LRRC9: variants seen among roughly 807,000 people sequenced by gnomAD.
LRRC9 encodes leucine rich repeat containing 9.
LRRC9 carries 122 observed loss-of-function variants against 63.2 expected under a neutral mutation model. That is an observed-to-expected ratio of 1.93 (90% CI 1.67 to 2.24). The LOEUF (loss-of-function observed/expected upper bound fraction) is 2.24. LRRC9 is among the 30% of genes most tolerant of loss of function. The probability of loss-of-function intolerance (pLI) is 0.00; values close to 1 mark genes in which losing one functional copy is unlikely to be tolerated. For synonymous variants in LRRC9, 366 were observed against 213.1 expected, an observed-to-expected ratio of 1.72 and a Z score of -6.25; for missense variants, 1,071 against 627.7, an observed-to-expected ratio of 1.71 and a Z score of -7.55.
intron 29 of LRRC9, among the ~76,000 whole-genome samples, chr14:60,034,782 A>ATT (rs1220767313): frequency 6.6e-6 from 1 of 152,188 alleles, no homozygotes; most frequent in Admixed American, 6.5e-5. Flanking sequence ...TATTTTGGCT[A>ATT]TTATGAATAA....
intron 8 of LRRC9, 74 bp downstream of exon 8, chr14:59,944,818 T>A (rs1324878672): frequency 1.8e-6 from 1 of 566,658 alleles, no homozygotes; most frequent in East Asian, 2.9e-5. Flanking sequence ...AAGCAATATC[T>A]TTTAAATTAT....
intron 12 of LRRC9, chr14:59,973,560 A>G (rs1200499284): frequency 6.6e-6 from 1 of 152,158 alleles, no homozygotes; most frequent in Non-Finnish European, 1.5e-5. Flanking sequence ...GTATTTGCAT[A>G]TAACCTACAC....
At chr14:60,009,792 C>T (rs1162863975) in intron 23 of LRRC9, among the ~76,000 whole-genome samples, 3 of 152,220 alleles carry the variant, frequency 2.0e-5, no homozygotes, top group East Asian at 1.9e-4. Flanking sequence ...TGGGTAAATA[C>T]ACCCATTCCA....
chr14:60,026,369 T>G (rs1379820839), intron 27 of LRRC9, among the ~76,000 whole-genome samples: 1 of 152,094 alleles, frequency 6.6e-6, no homozygotes, highest in Non-Finnish European at 1.5e-5. Flanking sequence ...TGCTGAGCAT[T>G]TTTCCATATA....
At chr14:59,980,389 C>A (rs1037217394) in intron 15 of LRRC9, among the ~76,000 whole-genome samples, 2 of 152,084 alleles carry the variant, frequency 1.3e-5, no homozygotes, top group African/African-American at 2.4e-5. Context: ...TTGGTTATTA[C>A]AAACTTCATA....
chr14:59,946,296 T>G (rs916544917), intron 8 of LRRC9, among the ~76,000 whole-genome samples: 2 of 150,630 alleles, frequency 1.3e-5, no homozygotes, highest in Non-Finnish European at 3.0e-5. Flanking sequence ...ATTAATAAAA[T>G]TTAATTAAAA....
At chr14:59,957,331 A>G (rs1027616407) in intron 8 of LRRC9, among the ~76,000 whole-genome samples, 1 of 151,886 alleles carries the variant, frequency 6.6e-6, no homozygotes, top group Non-Finnish European at 1.5e-5. Context: ...ATTCCTTTTC[A>G]TTCTTTTTGC....
At chr14:60,066,485 A>C (rs982991388), downstream of LRRC9, among the ~76,000 whole-genome samples, 1 of 152,102 alleles carries the variant, frequency 6.6e-6, no homozygotes, top group Non-Finnish European at 1.5e-5. Flanking sequence ...AAGCTAACCA[A>C]ATCATTTTGG....
intron 16 of LRRC9, among the ~76,000 whole-genome samples, chr14:59,982,748 C>A (rs1165426285): frequency 2.0e-5 from 3 of 152,144 alleles, no homozygotes; most frequent in Admixed American, 2.0e-4. Context: ...TAATTTCATC[C>A]TAACTCTTAA....
chr14:60,064,042 G>A (rs1055423565), downstream of LRRC9, among the ~76,000 whole-genome samples: 10 of 152,220 alleles, frequency 6.6e-5, 1 homozygote, highest in Middle Eastern at 6.8e-3. Context: ...TAAAAAAAGC[G>A]TCCGATTTCA....
chr14:60,032,832 G>C (rs757220517), intron 29 of LRRC9, among the ~76,000 whole-genome samples: 11 of 152,194 alleles, frequency 7.2e-5, no homozygotes, highest in Non-Finnish European at 1.2e-4. Flanking sequence ...TTCTTCCCAA[G>C]AAGGGAGTTA....
chr14:59,920,848 A>C (rs2139724031), intron 1 of LRRC9, among the ~76,000 whole-genome samples: 1 of 152,358 alleles, frequency 6.6e-6, no homozygotes, highest in East Asian at 1.9e-4. Context: ...TGGCATGACA[A>C]TTAACCCATT....
intron 17 of LRRC9, among the ~76,000 whole-genome samples, chr14:59,996,351 A>C (rs891874754): frequency 6.6e-6 from 1 of 152,118 alleles, no homozygotes; most frequent in South Asian, 2.1e-4. Context: ...CATTTTCAGA[A>C]ATTTTTTTAG....
Position 59,942,246 on chromosome 14 carries a change from T to G in LRRC9, c.727-2343T>G, listed in dbSNP as rs986281145. 7.2e-5 allele frequency among the ~76,000 whole-genome samples: 11 copies of G among 152,198 alleles called. No individual in the cohort carries two copies. The highest frequency in any genetic ancestry group is 2.7e-4 in the African/African-American group (11 of 41,462). ...ACATTTTCTTTATCCATTCACCTGTTGATGGCATTTAGGTTAATTCTAAAT... is the reference window on the plus strand; with the variant it reads ...ACATTTTCTTTATCCATTCACCTGTGGATGGCATTTAGGTTAATTCTAAAT... On this transcript the variant is annotated intron_variant, in intron 7 of 31. Coordinates refer to ENST00000445360, the Ensembl canonical transcript of LRRC9. This position sits in a 1 kb window ranked among gnomAD's most constrained non-coding sequence, Gnocchi z 5.3.
In LRRC9 at chr14:60,058,790, T is replaced by C. The variant is rs1359474958; in HGVS notation, c.4276+768T>C. On this transcript the variant is annotated intron_variant, in intron 31 of 31. Transcript: ENST00000445360. The surrounding 1 kb of genome is among the most constrained non-coding windows in gnomAD (Gnocchi z 4.4). ...TATAAAATGATCTAAGAGCCTCCTATAAAAAAAAGTAGACTGTTCCATGTG... is the reference window on the plus strand; with the variant it reads ...TATAAAATGATCTAAGAGCCTCCTACAAAAAAAAGTAGACTGTTCCATGTG... Among the ~76,000 whole-genome samples the C allele has an allele frequency of 6.6e-6, 1 of 151,632 alleles. No individual in the cohort carries two copies. Among genetic ancestry groups the C allele is most frequent in the East Asian group, 1.9e-4 (1 of 5,184 alleles).
chr14:60,063,565 G>A, downstream of LRRC9: 1 of 449,300 alleles, frequency 2.2e-6, no homozygotes, highest in Non-Finnish European at 3.9e-6. Context: ...CTTTCTTTAT[G>A]GTTATCTTTA....
At chr14:60,033,651 A>T (rs1892175062) in intron 29 of LRRC9, among the ~76,000 whole-genome samples, 1 of 152,102 alleles carries the variant, frequency 6.6e-6, no homozygotes, top group South Asian at 2.1e-4. Flanking sequence ...TATTGGATTC[A>T]ATTTGCTAAT....
chr14:60,016,076 C>G (rs970714184), intron 23 of LRRC9, among the ~76,000 whole-genome samples: 4 of 152,254 alleles, frequency 2.6e-5, no homozygotes, highest in African/African-American at 9.6e-5. Flanking sequence ...TCTAGCTTCT[C>G]TAACACCCAG....
At chr14:60,054,221 C>T (rs1251426694) in intron 30 of LRRC9, among the ~76,000 whole-genome samples, 2 of 152,156 alleles carry the variant, frequency 1.3e-5, no homozygotes, top group African/African-American at 4.8e-5. Context: ...CTCTCTAGTC[C>T]ACTTCTCCCT....
Sources: gnomAD v4.1 joint callset for allele counts (sites outside exome capture counted in the v4.1 genomes callset) on GRCh38, gnomAD v4.1.1 for gene constraint, Gnocchi (gnomAD v3.1) non-coding constraint, MANE v1.5 for transcripts, NCBI Gene and HGNC (gene_info 2026-07-23, HGNC 2026-07-21) for gene names.